The following ALDH1L1 variants were observed in gnomAD, a reference collection of about 807,000 sequenced individuals.
ALDH1L1 encodes the protein cytosolic 10-formyltetrahydrofolate dehydrogenase.
Under a neutral mutation model 101.1 loss-of-function variants are expected in ALDH1L1, and 68 were observed. The ratio of observed to expected loss-of-function variants is 0.67; its 90% CI spans 0.55 to 0.82. ALDH1L1 has a LOEUF of 0.82. Ranked by LOEUF, ALDH1L1 falls within the 40% of genes least tolerant of loss-of-function variation. The probability of loss-of-function intolerance (pLI) is 0.00; values close to 1 mark genes in which losing one functional copy is unlikely to be tolerated. For missense variants in ALDH1L1, 1,087 were observed against 1,172.7 expected, an observed-to-expected ratio of 0.93 and a Z score of 1.07; for synonymous variants, 486 against 470.8, an observed-to-expected ratio of 1.03 and a Z score of -0.42.
At chr3:126,134,893 G>A (rs888162900) in intron 12 of ALDH1L1, among the ~76,000 whole-genome samples, 1 of 152,058 alleles carries the variant, frequency 6.6e-6, no homozygotes, top group East Asian at 1.9e-4. Flanking sequence ...CCTCTGTGAG[G>A]GTGACTGCTC....
chr3:126,153,991 C>G (rs946607698), intron 6 of ALDH1L1, among the ~76,000 whole-genome samples: 1 of 152,244 alleles, frequency 6.6e-6, no homozygotes, highest in African/African-American at 2.4e-5. Flanking sequence ...ATGAGGACAG[C>G]AGAGAGGCTT....
rs1456513336 is a variant in ALDH1L1 at position 126,158,082 on chromosome 3, C to CCTGGTGCCCTCTCTGTCCCTGCGCCTT, written c.362+296_362+322dup. Among the ~76,000 whole-genome samples, 39 of 152,166 alleles carry CCTGGTGCCCTCTCTGTCCCTGCGCCTT rather than the reference C, an allele frequency of 2.6e-4. 1 individual carries two copies. Among genetic ancestry groups the CCTGGTGCCCTCTCTGTCCCTGCGCCTT allele is most frequent in the East Asian group, 2.1e-3 (11 of 5,156 alleles). The stretch of plus-strand genomic sequence containing the variant: ...GGGTGGCACCCTGGCCCCTGCGCCT[C>CCTGGTGCCCTCTCTGTCCCTGCGCCTT]CTGGTGCCCTCTCTGTCCCTGCGCC... On this transcript the variant is annotated intron_variant, in intron 3 of 22. Transcript: ENST00000393434.
intron 1 of ALDH1L1, among the ~76,000 whole-genome samples, chr3:126,178,947 A>AAT (rs2081418580): frequency 6.6e-6 from 1 of 151,948 alleles, no homozygotes; most frequent in African/African-American, 2.4e-5. Flanking sequence ...CTGAAAAAAA[A>AAT]AAATAAAAGA....
At chr3:126,156,126 C>G (rs966714484) in intron 4 of ALDH1L1, 1 of 152,222 alleles carries the variant, frequency 6.6e-6, no homozygotes, top group Non-Finnish European at 1.5e-5. Flanking sequence ...TCTGCACGGT[C>G]CAACACGGTG....
At chr3:126,138,713 G>A (rs6778833) in intron 9 of ALDH1L1, among the ~76,000 whole-genome samples, 34,133 of 152,120 alleles carry the variant, frequency 0.22, 4,684 homozygotes, top group African/African-American at 0.39. Context: ...CTACCACTTT[G>A]GAAAGCAGTT....
At chr3:126,193,423 T>C (rs757872172) in intron 1 of ALDH1L1, among the ~76,000 whole-genome samples, 3 of 152,228 alleles carry the variant, frequency 2.0e-5, no homozygotes, top group Admixed American at 1.3e-4. Flanking sequence ...TCCAAAACAA[T>C]TGGCCTCCTA....
chr3:126,115,071 T>C (rs954915146), intron 17 of ALDH1L1: 2 of 457,128 alleles, frequency 4.4e-6, no homozygotes, highest in African/African-American at 4.0e-5. Flanking sequence ...CAGGCACGCA[T>C]CTGTCTGGGT....
intron 1 of ALDH1L1, among the ~76,000 whole-genome samples, chr3:126,175,538 T>G (rs2108333760): frequency 6.6e-6 from 1 of 152,266 alleles, no homozygotes; most frequent in Non-Finnish European, 1.5e-5. Context: ...TTATTCTAGG[T>G]TAAACATTTG....
chr3:126,187,561 T>G (rs1253741104), intron 1 of ALDH1L1, among the ~76,000 whole-genome samples: 3 of 152,052 alleles, frequency 2.0e-5, no homozygotes, highest in Non-Finnish European at 4.4e-5. Flanking sequence ...AAGGCACACC[T>G]CAGTTTACAG....
chr3:126,177,868 T>C (rs2081391437), intron 1 of ALDH1L1, among the ~76,000 whole-genome samples: 1 of 151,400 alleles, frequency 6.6e-6, no homozygotes, highest in African/African-American at 2.4e-5. Flanking sequence ...GGTAAAACCC[T>C]GTCTCTACTA....
intron 14 of ALDH1L1, chr3:126,129,553 C>G (rs756608683): frequency 1.3e-5 from 2 of 152,374 alleles, no homozygotes; most frequent in Non-Finnish European, 2.9e-5. Context: ...CAGGGCTGCA[C>G]CAGCACCTGC....
At chr3:126,175,017 A>C (rs2081345918) in intron 1 of ALDH1L1, among the ~76,000 whole-genome samples, 1 of 152,164 alleles carries the variant, frequency 6.6e-6, no homozygotes, top group African/African-American at 2.4e-5. Context: ...TAAGAAGAAA[A>C]AGAGAGAAGA....
chr3:126,171,859 A>G (rs931747339), intron 1 of ALDH1L1, among the ~76,000 whole-genome samples: 3 of 152,150 alleles, frequency 2.0e-5, no homozygotes, highest in African/African-American at 7.2e-5. Flanking sequence ...ACTAAGACCT[A>G]ATTGTAGGAC....
intron 14 of ALDH1L1, among the ~76,000 whole-genome samples, chr3:126,126,438 C>T (rs112923415): frequency 5.9e-5 from 9 of 152,326 alleles, no homozygotes; most frequent in South Asian, 2.1e-4. Context: ...CCGTAGACCA[C>T]GCACAGGCTC....
At position 126,160,859 on chromosome 3, in the gene ALDH1L1, G is replaced by T. The variant is rs761328293; in HGVS notation, c.121C>A (p.Pro41Thr). 6.2e-7 allele frequency: 1 copy of T among 1,613,894 alleles called. No homozygotes were observed. The highest frequency in any genetic ancestry group is 2.2e-5 in the East Asian group (1 of 44,898). The change falls in exon 2 of 23, where the codon CCC becomes ACC. Residue 41 changes from proline (P) to threonine (T), a missense_variant. Around this residue, in one of 2 missense-constraint regions of ALDH1L1, gnomAD observed 645 missense variants for 637.0 expected, o/e 1.01. Transcript: ENST00000393434. ...GCTCCATTGGCTCACTCACCCAGGG[G>T]GTCGGCCTTTCCATCCTTGTCTGGA... ...TVPDKDGKAD[P>T]LGLEAEKDGV...
intron 20 of ALDH1L1, chr3:126,108,037 T>C (rs148535232): frequency 1.3e-4 from 20 of 152,380 alleles, no homozygotes; most frequent in African/African-American, 4.6e-4. Context: ...TAAAAAGTTA[T>C]TTAATAAAAT....
intron 5 of ALDH1L1, 127 bp downstream of exon 5, chr3:126,155,275 C>G: frequency 1.3e-6 from 1 of 773,972 alleles, no homozygotes; most frequent in South Asian, 2.0e-5. Context: ...CTGGGCTGCC[C>G]TGTGTTCTGG....
upstream of ALDH1L1, among the ~76,000 whole-genome samples, chr3:126,186,059 A>G (rs1326887788): frequency 6.6e-6 from 1 of 152,148 alleles, no homozygotes; most frequent in African/African-American, 2.4e-5. Context: ...TTCATGTTTA[A>G]TGGGGACAGA....
chr3:126,159,562 G>C (rs539892345), intron 2 of ALDH1L1: 11 of 456,028 alleles, frequency 2.4e-5, no homozygotes, highest in Non-Finnish European at 4.9e-5. Context: ...ACTCTGTCCT[G>C]GTGTCTGGTA....
Sources: gnomAD v4.1 joint callset for allele counts (sites outside exome capture counted in the v4.1 genomes callset) on GRCh38, gnomAD v4.1.1 for gene constraint, gnomAD v4.1.1 regional missense constraint, MANE v1.5 for transcripts, NCBI Gene and HGNC (gene_info 2026-07-23, HGNC 2026-07-21) for gene names.